FLVCR2: variants seen among roughly 807,000 people sequenced by gnomAD.
FLVCR2 encodes FLVCR choline and putative heme transporter 2.
A neutral mutation model predicts 48.9 loss-of-function variants in FLVCR2; 38 were observed. That is an observed-to-expected ratio of 0.78 (90% CI 0.60 to 1.02). The LOEUF (loss-of-function observed/expected upper bound fraction) is 1.02. Ranked by LOEUF, FLVCR2 falls within the 50% of genes least tolerant of loss-of-function variation. The pLI is 0.00. For missense variants in FLVCR2, 664 were observed against 663.3 expected, an observed-to-expected ratio of 1.00 and a Z score of -0.01; for synonymous variants, 255 against 257.0, an observed-to-expected ratio of 0.99 and a Z score of 0.07.
At position 75,646,432 on chromosome 14, in the gene FLVCR2, C is replaced by T; in HGVS notation, c.1541C>T (p.Thr514Ile). Residue 514 changes from threonine to isoleucine, a missense_variant, in exon 10 of 10, where the codon ACC (threonine) becomes ATC (isoleucine). Transcript: ENST00000238667. ...CAAGAGGAGGAGGAGGAGAGCAACACCAGCAAAGTGCCCACTGCTGTGTCA... is the reference window on the plus strand; with the variant it reads ...CAAGAGGAGGAGGAGGAGAGCAACATCAGCAAAGTGCCCACTGCTGTGTCA... ...KLQEEEEESN[T>I]SKVPTAVSED... 5 of 1,613,954 alleles carry T rather than the reference C, an allele frequency of 3.1e-6. No individual in the cohort carries two copies. Among genetic ancestry groups the T allele is most frequent in the Non-Finnish European group, 4.2e-6 (5 of 1,179,872 alleles).
intron 1 of FLVCR2, among the ~76,000 whole-genome samples, chr14:75,612,889 C>T (rs562750576): frequency 3.3e-5 from 5 of 152,352 alleles, no homozygotes; most frequent in African/African-American, 1.2e-4. Flanking sequence ...GGTCTTGGAG[C>T]CCTTGTTTAT....
intron 1 of FLVCR2, among the ~76,000 whole-genome samples, chr14:75,582,192 A>C (rs893009483): frequency 2.6e-5 from 4 of 152,142 alleles, no homozygotes; most frequent in African/African-American, 9.7e-5. Flanking sequence ...CTTCCTTTGG[A>C]AGTAAAGCAG....
intron 1 of FLVCR2, among the ~76,000 whole-genome samples, chr14:75,603,176 G>C (rs559036899): frequency 1.9e-4 from 29 of 152,308 alleles, no homozygotes; most frequent in African/African-American, 7.0e-4. Flanking sequence ...TGGGGTCCCT[G>C]GCGAGGGCCC....
At chr14:75,615,893 G>T (rs1435875216) in intron 1 of FLVCR2, among the ~76,000 whole-genome samples, 7 of 151,202 alleles carry the variant, frequency 4.6e-5, no homozygotes, top group African/African-American at 1.7e-4. Flanking sequence ...CAGATGTGGT[G>T]GCGGGAACCT....
intron 1 of FLVCR2, among the ~76,000 whole-genome samples, chr14:75,596,877 TAC>T (rs1284412945): frequency 6.8e-6 from 1 of 148,042 alleles, no homozygotes; most frequent in Admixed American, 7.0e-5. Context: ...AGTGGAATCA[TAC>T]TTGTCCTTCT....
chr14:75,604,856 C>T (rs921125469), intron 1 of FLVCR2, among the ~76,000 whole-genome samples: 5 of 152,132 alleles, frequency 3.3e-5, no homozygotes, highest in Non-Finnish European at 7.3e-5. Context: ...AGACTTGTGC[C>T]TCTTGAGAGC....
At chr14:75,599,007 A>G (rs1226361647) in intron 1 of FLVCR2, among the ~76,000 whole-genome samples, 1 of 152,242 alleles carries the variant, frequency 6.6e-6, no homozygotes, top group Non-Finnish European at 1.5e-5. Flanking sequence ...GAGGAATGTC[A>G]GCAAGATGGT....
At position 75,633,693 on chromosome 14, in the gene FLVCR2, C is replaced by T; in HGVS notation, c.1017C>T (p.Tyr339=). ...TLLNRMVIWH[Y]PGEEVNAGRI... ...TGAATCGCATGGTGATCTGGCACTA[C>T]CCGGTAAGGGAGTTCCCTAAGCATG... The change falls in exon 4 of 10, where the codon TAC becomes TAT. Residue 339 remains tyrosine, a synonymous_variant. Transcript: ENST00000238667. 2 of 1,612,560 alleles carry T rather than the reference C, an allele frequency of 1.2e-6. No homozygotes were observed. Among genetic ancestry groups the T allele is most frequent in the South Asian group, 1.1e-5 (1 of 91,048 alleles).
Position 75,579,067 on chromosome 14 carries a change from G to C in FLVCR2, c.95G>C (p.Ser32Thr), listed in dbSNP as rs1328215582. ...GACCCCAGCGTCTCGGTCCATCCCA[G>C]CGTCTCGGTCCATCCCAGCGTCTCC... ...QADPSVSVHP[S>T]VSVHPSVSIN... Residue 32 changes from serine (S) to threonine (T), a missense_variant, in exon 1 of 10, where the codon AGC (serine) becomes ACC (threonine). Transcript: ENST00000238667. 6.2e-7 allele frequency: 1 copy of C among 1,613,942 alleles called. No homozygotes were observed. Among genetic ancestry groups the C allele is most frequent in the South Asian group, 1.1e-5 (1 of 91,070 alleles).
chr14:75,601,270 T>C (rs1889160517), intron 1 of FLVCR2, among the ~76,000 whole-genome samples: 1 of 152,288 alleles, frequency 6.6e-6, no homozygotes, highest in South Asian at 2.1e-4. Context: ...TTTTCCGCCT[T>C]GGGCGGGCCA....
chr14:75,582,987 C>T (rs915073457), intron 1 of FLVCR2, among the ~76,000 whole-genome samples: 10 of 152,104 alleles, frequency 6.6e-5, no homozygotes, highest in East Asian at 5.8e-4. Flanking sequence ...CAGATGAAGA[C>T]GAAGTTTGGG....
At chr14:75,615,862 CAAA>C (rs10629811) in intron 1 of FLVCR2, among the ~76,000 whole-genome samples, 1 of 131,266 alleles carries the variant, frequency 7.6e-6, no homozygotes, top group Non-Finnish European at 1.6e-5. Flanking sequence ...ACTAAAAATA[CAAA>C]AAAAAAAAAA....
intron 1 of FLVCR2, among the ~76,000 whole-genome samples, chr14:75,587,695 G>A (rs866416128): frequency 6.6e-6 from 1 of 152,240 alleles, no homozygotes; most frequent in Non-Finnish European, 1.5e-5. Context: ...AAGGGGAAAT[G>A]AGCTGTGTGG....
chr14:75,606,150 C>T (rs1440148975), intron 1 of FLVCR2, among the ~76,000 whole-genome samples: 3 of 152,122 alleles, frequency 2.0e-5, no homozygotes, highest in Non-Finnish European at 4.4e-5. Context: ...CTCATCCTTT[C>T]GAATAGCTGG....
chr14:75,630,404 T>C (rs1890013186), intron 3 of FLVCR2, among the ~76,000 whole-genome samples: 1 of 152,140 alleles, frequency 6.6e-6, no homozygotes, highest in African/African-American at 2.4e-5. Context: ...TTTTAACAAG[T>C]GCATTGGGGT....
intron 1 of FLVCR2, among the ~76,000 whole-genome samples, chr14:75,594,970 A>G (rs1888982459): frequency 6.6e-6 from 1 of 152,068 alleles, no homozygotes; most frequent in Non-Finnish European, 1.5e-5. Flanking sequence ...CTCCCGCCTC[A>G]GCCTCCCAAA....
chr14:75,581,373 G>A (rs1384502359), intron 1 of FLVCR2, among the ~76,000 whole-genome samples: 1 of 152,136 alleles, frequency 6.6e-6, no homozygotes, highest in African/African-American at 2.4e-5. Flanking sequence ...TCTTGACAGA[G>A]TCCTCTTTTT....
At chr14:75,602,218 T>C (rs1436378436) in intron 1 of FLVCR2, among the ~76,000 whole-genome samples, 2 of 152,220 alleles carry the variant, frequency 1.3e-5, no homozygotes, top group Non-Finnish European at 2.9e-5. Flanking sequence ...GCACGGTCTC[T>C]AGCCCCCTCC....
chr14:75,639,310 A>T (rs777235206), intron 5 of FLVCR2, 42 bp from the exon 6 acceptor site: 1 of 1,228,406 alleles, frequency 8.1e-7, no homozygotes, highest in Non-Finnish European at 1.2e-6. Flanking sequence ...AGCCTATTAA[A>T]GTCAGAAGTG....
Sources: allele counts gnomAD v4.1 joint callset (sites outside exome capture counted in the v4.1 genomes callset), GRCh38; gene constraint gnomAD v4.1.1; transcripts MANE v1.5; gene names NCBI Gene and HGNC (gene_info 2026-07-23, HGNC 2026-07-21).